CNOT6L: variants seen among roughly 807,000 people sequenced by gnomAD.
CNOT6L encodes the protein CCR4-NOT transcription complex subunit 6 like, also known as CCR4-NOT transcription complex subunit 6-like.
Under a neutral mutation model 64.0 loss-of-function variants are expected in CNOT6L, and 7 were observed. The ratio of observed to expected loss-of-function variants is 0.11; its 90% CI spans 0.06 to 0.21. The LOEUF is 0.21. Among genes scored for constraint, CNOT6L ranks in the 10% least tolerant of loss-of-function variants. CNOT6L has a pLI of 1.00. For missense variants in CNOT6L, 245 were observed against 669.0 expected, an observed-to-expected ratio of 0.37 and a Z score of 6.99; for synonymous variants, 193 against 243.4, an observed-to-expected ratio of 0.79 and a Z score of 1.93.
chr4:77,748,615 C>T (rs1724474059), intron 5 of CNOT6L, among the ~76,000 whole-genome samples: 1 of 152,122 alleles, frequency 6.6e-6, no homozygotes, highest in African/African-American at 2.4e-5. Context: ...TCATTAATGG[C>T]ATTTTCACTT....
At chr4:77,818,934 C>T (rs1341207784) in intron 1 of CNOT6L, 3 of 624,940 alleles carry the variant, frequency 4.8e-6, no homozygotes, top group East Asian at 3.2e-5. Flanking sequence ...GCCGCACTCA[C>T]TCAGCCCTCC....
intron 1 of CNOT6L, among the ~76,000 whole-genome samples, chr4:77,781,708 A>G (rs1156527696): frequency 8.0e-5 from 2 of 25,016 alleles, no homozygotes. Flanking sequence ...GGTCATCTAA[A>G]GTAGCTTACA....
chr4:77,720,104 T>G lies in CNOT6L; in HGVS notation c.*327A>C. The G allele has an allele frequency of 5.1e-6, 1 of 194,362 alleles. No homozygotes were observed. 12.0% of individuals were successfully genotyped at this position (194,362 alleles called of 1,614,324 possible). A position where few individuals can be genotyped will look rare whatever the true frequency, so the allele number is the denominator to read the frequency against. ...CTGAAACCATTCAAAAGAAAGTATT[T>G]GTTTTGGAAAAACAAATACACTGTT... On this transcript the variant is annotated 3_prime_UTR_variant, in exon 12 of 12. Transcript: ENST00000504123.
intron 8 of CNOT6L, among the ~76,000 whole-genome samples, chr4:77,737,754 T>C (rs1723138802): frequency 6.6e-6 from 1 of 152,068 alleles, no homozygotes; most frequent in Middle Eastern, 3.2e-3. Flanking sequence ...TGCATCCACA[T>C]TCATTATTTT....
chr4:77,771,083 G>A (rs1485309130), intron 4 of CNOT6L, among the ~76,000 whole-genome samples: 1 of 152,184 alleles, frequency 6.6e-6, no homozygotes, highest in African/African-American at 2.4e-5. Flanking sequence ...ACTTTGAGAG[G>A]CTGAGGTGGG....
chr4:77,780,179 C>G (rs559571622), intron 1 of CNOT6L, among the ~76,000 whole-genome samples: 3 of 152,250 alleles, frequency 2.0e-5, no homozygotes, highest in African/African-American at 7.2e-5. Context: ...TGGCTTCAAA[C>G]AGTCTCATAT....
At chr4:77,743,838 G>A (rs192923615) in intron 7 of CNOT6L, among the ~76,000 whole-genome samples, 1 of 152,082 alleles carries the variant, frequency 6.6e-6, no homozygotes, top group East Asian at 1.9e-4. Context: ...TTGACCCCAA[G>A]GGATCCACCC....
intron 7 of CNOT6L, among the ~76,000 whole-genome samples, chr4:77,743,988 A>T (rs1013851155): frequency 6.6e-6 from 1 of 152,152 alleles, no homozygotes; most frequent in Non-Finnish European, 1.5e-5. Flanking sequence ...TTGATCATTT[A>T]AAAAAATATA....
At chr4:77,753,642 G>GC (rs140175625) in intron 5 of CNOT6L, among the ~76,000 whole-genome samples, 7,467 of 151,998 alleles carry the variant, frequency 0.049, 222 homozygotes, top group African/African-American at 0.08. Context: ...CTGTACTCCA[G>GC]CCTGGGTGAC....
chr4:77,762,504 C>A (rs1012168314), intron 4 of CNOT6L, among the ~76,000 whole-genome samples: 2 of 152,142 alleles, frequency 1.3e-5, no homozygotes, highest in African/African-American at 4.8e-5. Context: ...AATAACTAGA[C>A]ATGCATATGC....
intron 1 of CNOT6L, among the ~76,000 whole-genome samples, chr4:77,784,383 C>T (rs1162543605): frequency 6.6e-6 from 1 of 152,138 alleles, no homozygotes; most frequent in African/African-American, 2.4e-5. Context: ...ACAACTTAAG[C>T]TTATGATTTT....
Position 77,812,316 on chromosome 4 carries a change from T to C in CNOT6L, c.5+6988A>G, listed in dbSNP as rs375589967. 2.6e-5 allele frequency among the ~76,000 whole-genome samples: 4 copies of C among 151,508 alleles called. No individual in the cohort carries two copies. The South Asian group carries it at 6.3e-4, about 24-fold the overall frequency. ...AGCCAGGCATGGTGGCAGGCACCTGTAATCCCAGCTGCTCAGGAAGCTGAG... is the reference window on the plus strand; with the variant it reads ...AGCCAGGCATGGTGGCAGGCACCTGCAATCCCAGCTGCTCAGGAAGCTGAG... On this transcript the variant is annotated intron_variant, in intron 1 of 11. Transcript: ENST00000504123.
intron 1 of CNOT6L, among the ~76,000 whole-genome samples, chr4:77,778,199 A>G (rs1470057472): frequency 6.6e-6 from 1 of 152,204 alleles, no homozygotes; most frequent in Non-Finnish European, 1.5e-5. Context: ...AGGTTTTCAG[A>G]ATTTCTGCTG....
At chr4:77,790,698 T>C (rs1210767418) in intron 1 of CNOT6L, among the ~76,000 whole-genome samples, 6 of 152,190 alleles carry the variant, frequency 3.9e-5, no homozygotes, top group African/African-American at 1.4e-4. Context: ...CAAAAAACTT[T>C]CCCCACTTTT....
intron 11 of CNOT6L, among the ~76,000 whole-genome samples, chr4:77,722,945 G>A (rs917217231): frequency 1.3e-5 from 2 of 150,862 alleles, no homozygotes; most frequent in Middle Eastern, 3.4e-3. Flanking sequence ...TAAGTCTATA[G>A]AACTGTATTT....
At position 77,802,854 on chromosome 4, in the gene CNOT6L, C is replaced by T. The variant is rs147827835; in HGVS notation, c.5+16450G>A. ...GTTAAGACCAACTACAAAAACCAAG[C>T]TTCTACTAAATCATGCCAAATTTTA... On this transcript the variant is annotated intron_variant, in intron 1 of 11. Coordinates refer to ENST00000504123, the MANE Select transcript of CNOT6L (RefSeq NM_144571.3). 1.1e-4 allele frequency among the ~76,000 whole-genome samples: 17 copies of T among 152,264 alleles called. No individual in the cohort carries two copies. The East Asian group carries it at 3.1e-3, about 28-fold the overall frequency.
intron 6 of CNOT6L, among the ~76,000 whole-genome samples, chr4:77,746,910 A>T (rs913331524): frequency 1.3e-5 from 2 of 152,154 alleles, no homozygotes; most frequent in Non-Finnish European, 2.9e-5. Flanking sequence ...TTGCAGCTCT[A>T]GAGTGGGTTG....
At chr4:77,801,689 T>TGGGG (rs1223686596) in intron 1 of CNOT6L, among the ~76,000 whole-genome samples, 1 of 12,360 alleles carries the variant, frequency 8.1e-5, no homozygotes, top group Non-Finnish European at 1.8e-4. Context: ...AAGATAAAAA[T>TGGGG]TGGGGGGGGG....
intron 5 of CNOT6L, among the ~76,000 whole-genome samples, chr4:77,754,886 AGT>A (rs1491380983): frequency 1.5e-4 from 20 of 133,726 alleles, no homozygotes; most frequent in Non-Finnish European, 2.7e-4. Context: ...AAACATTAGA[AGT>A]AAAAAAAAAA....
Sources: allele counts gnomAD v4.1 joint callset (sites outside exome capture counted in the v4.1 genomes callset), GRCh38; gene constraint gnomAD v4.1.1; transcripts MANE v1.5; gene names NCBI Gene and HGNC (gene_info 2026-07-23, HGNC 2026-07-21).